The following OLA1 variants were observed in gnomAD, a reference collection of about 807,000 sequenced individuals.
The protein encoded by OLA1 is obg-like ATPase 1.
A neutral mutation model predicts 48.4 loss-of-function variants in OLA1; 14 were observed. The ratio of observed to expected loss-of-function variants is 0.29; its 90% CI spans 0.19 to 0.45. The LOEUF is 0.45. Ranked by LOEUF, OLA1 falls within the 20% of genes least tolerant of loss-of-function variation. The probability of loss-of-function intolerance (pLI) is 1.00; values close to 1 mark genes in which losing one functional copy is unlikely to be tolerated. For missense variants in OLA1, 325 were observed against 467.1 expected (o/e 0.70, Z 2.80); for synonymous variants, 127 against 150.4 (o/e 0.84, Z 1.14).
At chr2:174,101,698 A>G (rs1409848532) in intron 7 of OLA1, among the ~76,000 whole-genome samples, 2 of 152,210 alleles carry the variant, frequency 1.3e-5, no homozygotes, top group East Asian at 1.9e-4. Flanking sequence ...CAACAGAGTC[A>G]AGGACAGTAA....
intron 7 of OLA1, among the ~76,000 whole-genome samples, chr2:174,084,570 T>C (rs1055528491): frequency 2.0e-5 from 3 of 152,228 alleles, no homozygotes; most frequent in Admixed American, 1.3e-4. Context: ...CTGAAATATA[T>C]GTGGTGTATC....
intron 2 of OLA1, among the ~76,000 whole-genome samples, chr2:174,230,335 T>C (rs917806249): frequency 1.3e-5 from 2 of 152,190 alleles, no homozygotes; most frequent in Non-Finnish European, 2.9e-5. Context: ...TTGAAGACTG[T>C]TAAAGTGGTT....
chr2:174,090,356 CA>C lies in OLA1; in HGVS notation c.729-8293del, dbSNP rs1294326811. On this transcript the variant is annotated intron_variant, in intron 7 of 10. Transcript: ENST00000284719. ...CTTAAAAGCAAATTAGAATGTTTAGCAAAAAGGCTCCACTTAAAAAAAGTTC... is the reference window on the plus strand; with the variant it reads ...CTTAAAAGCAAATTAGAATGTTTAGCAAAAGGCTCCACTTAAAAAAAGTTC... Among the ~76,000 whole-genome samples the C allele has an allele frequency of 2.6e-5, 4 of 152,024 alleles. No individual in the cohort carries two copies. In the East Asian group the frequency reaches 7.7e-4, roughly 29 times the overall value.
chr2:174,090,256 G>A (rs908310842), intron 7 of OLA1, among the ~76,000 whole-genome samples: 2 of 152,084 alleles, frequency 1.3e-5, no homozygotes, highest in African/African-American at 2.4e-5. Flanking sequence ...GAGGATTAAC[G>A]CACTTTCTGA....
intron 4 of OLA1, among the ~76,000 whole-genome samples, chr2:174,180,591 TA>T (rs1440492935): frequency 6.6e-6 from 1 of 152,220 alleles, no homozygotes; most frequent in Non-Finnish European, 1.5e-5. Context: ...CCTTTTTTCC[TA>T]AAGACAGTCA....
At chr2:174,129,231 G>A (rs1048400905) in intron 5 of OLA1, among the ~76,000 whole-genome samples, 1 of 152,138 alleles carries the variant, frequency 6.6e-6, no homozygotes, top group Non-Finnish European at 1.5e-5. Context: ...GGCCGAGGCA[G>A]GCGGATCACG....
In OLA1 at chr2:174,224,134, A is replaced by G. The variant is rs1259779013; in HGVS notation, c.246-974T>C. Among the ~76,000 whole-genome samples, 10 of 152,228 alleles carry G rather than the reference A, an allele frequency of 6.6e-5. 1 individual carries two copies. Among genetic ancestry groups the G allele is most frequent in the Admixed American group, 6.5e-4 (10 of 15,286 alleles). On this transcript the variant is annotated intron_variant, in intron 3 of 10. Coordinates refer to ENST00000284719, the MANE Select transcript of OLA1 (RefSeq NM_013341.5). The stretch of plus-strand genomic sequence containing the variant: ...AAAGACTTCCCTATTATTGGCATGG[A>G]AAATGAGTCCTTTCAAAACAATTAT...
At chr2:174,218,782 T>TTA (rs1688422277) in intron 4 of OLA1, among the ~76,000 whole-genome samples, 1 of 152,040 alleles carries the variant, frequency 6.6e-6, no homozygotes, top group South Asian at 2.1e-4. Context: ...GGGACATTAT[T>TTA]TGGGGGTAAA....
chr2:174,114,829 G>T (rs558240215), intron 7 of OLA1, among the ~76,000 whole-genome samples: 20 of 151,900 alleles, frequency 1.3e-4, no homozygotes, highest in Non-Finnish European at 2.5e-4. Flanking sequence ...TTATTCCAAT[G>T]ATGCAAATGC....
At chr2:174,091,731 G>A (rs774689124) in intron 7 of OLA1, among the ~76,000 whole-genome samples, 7 of 151,572 alleles carry the variant, frequency 4.6e-5, no homozygotes, top group East Asian at 1.9e-4. Flanking sequence ...ACTATGAGCC[G>A]GGTATGGTGG....
intron 4 of OLA1, among the ~76,000 whole-genome samples, chr2:174,154,149 G>C (rs774949631): frequency 5.9e-5 from 9 of 152,164 alleles, no homozygotes; most frequent in Admixed American, 1.3e-4. Context: ...GGGATTACAC[G>C]TGAGCTGCTG....
chr2:174,166,188 T>A (rs892680613), intron 4 of OLA1, among the ~76,000 whole-genome samples: 13 of 152,168 alleles, frequency 8.5e-5, no homozygotes, highest in African/African-American at 3.1e-4. Context: ...TCTGATAAAT[T>A]TGTAACTAAT....
intron 5 of OLA1, among the ~76,000 whole-genome samples, chr2:174,128,873 A>C (rs1214356681): frequency 6.6e-6 from 1 of 152,234 alleles, no homozygotes; most frequent in East Asian, 1.9e-4. Context: ...CTATATGTAC[A>C]TTTGCATGGG....
At chr2:174,236,065 C>T (rs1021249008) in intron 2 of OLA1, among the ~76,000 whole-genome samples, 1 of 151,952 alleles carries the variant, frequency 6.6e-6, no homozygotes, top group African/African-American at 2.4e-5. Context: ...TAACTAAATG[C>T]CATACCGAGG....
At chr2:174,093,599 G>A (rs762413342) in intron 7 of OLA1, among the ~76,000 whole-genome samples, 81 of 152,020 alleles carry the variant, frequency 5.3e-4, no homozygotes, top group Non-Finnish European at 9.9e-4. Flanking sequence ...CTTTGTACTC[G>A]GACGTCTGAA....
intron 4 of OLA1, among the ~76,000 whole-genome samples, chr2:174,215,089 A>C (rs573904907): frequency 2.1e-4 from 32 of 152,250 alleles, no homozygotes; most frequent in Admixed American, 1.6e-3. Context: ...ACTTCGGAAG[A>C]AAATAAGAGC....
At position 174,075,371 on chromosome 2, in the gene OLA1, T is replaced by G. The variant is rs1261135717; in HGVS notation, c.*55A>C. 1 of 1,050,108 alleles carries G rather than the reference T, an allele frequency of 9.5e-7. No individual in the cohort carries two copies. The highest frequency in any genetic ancestry group is 1.6e-5 in the African/African-American group (1 of 61,846). 65.0% of individuals were successfully genotyped at this position (1,050,108 alleles called of 1,614,324 possible). On this transcript the variant is annotated 3_prime_UTR_variant, in exon 11 of 11. Coordinates refer to ENST00000284719, the MANE Select transcript of OLA1 (RefSeq NM_013341.5). ...ATTGGTTTTCAGAAATTTTAATTTT[T>G]TAAAAATCAGATGCCTTTTGGAAGT...
intron 7 of OLA1, among the ~76,000 whole-genome samples, chr2:174,111,155 C>G (rs1243961359): frequency 2.6e-5 from 4 of 152,148 alleles, no homozygotes; most frequent in Admixed American, 1.3e-4. Flanking sequence ...CTCTCTCTGA[C>G]AGGTGAGGAA....
chr2:174,161,446 C>G (rs1188522126), intron 4 of OLA1, among the ~76,000 whole-genome samples: 1 of 151,966 alleles, frequency 6.6e-6, no homozygotes, highest in Non-Finnish European at 1.5e-5. Context: ...AATCTTATTG[C>G]TTGACTAACA....
Sources: allele counts gnomAD v4.1 joint callset (sites outside exome capture counted in the v4.1 genomes callset), GRCh38; gene constraint gnomAD v4.1.1; transcripts MANE v1.5; gene names NCBI Gene and HGNC (gene_info 2026-07-23, HGNC 2026-07-21).